Variants in NOL4L observed in about 807,000 individuals in gnomAD.
NOL4L encodes nucleolar protein 4 like, also known as nucleolar protein 4-like.
NOL4L carries 7 observed loss-of-function variants against 64.5 expected under a neutral mutation model. The ratio of observed to expected loss-of-function variants is 0.11; its 90% confidence interval spans 0.06 to 0.20. NOL4L has a LOEUF of 0.20. Among genes scored for constraint, NOL4L ranks in the 10% least tolerant of loss-of-function variants. The probability of loss-of-function intolerance (pLI) is 1.00; values close to 1 mark genes in which losing one functional copy is unlikely to be tolerated. For missense variants in NOL4L, 680 were observed against 967.1 expected (o/e 0.70, Z 3.94); for synonymous variants, 413 against 401.0 (o/e 1.03, Z -0.36).
intron 1 of NOL4L, among the ~76,000 whole-genome samples, chr20:32,549,183 A>T (rs1027251468): frequency 1.3e-5 from 2 of 152,228 alleles, no homozygotes; most frequent in Non-Finnish European, 2.9e-5. Context: ...CAACTCACAG[A>T]CTGGGGTAAA....
At chr20:32,527,367 C>A (rs1434459853) in intron 2 of NOL4L, among the ~76,000 whole-genome samples, 2 of 152,136 alleles carry the variant, frequency 1.3e-5, no homozygotes, top group Non-Finnish European at 2.9e-5. Context: ...AAATGCCATG[C>A]CATGAAGGCA....
At chr20:32,459,967 C>A (rs141778883) in intron 5 of NOL4L, among the ~76,000 whole-genome samples, 1 of 152,326 alleles carries the variant, frequency 6.6e-6, no homozygotes, top group African/African-American at 2.4e-5. Context: ...GATAAAAACA[C>A]GAGGCTGTGG....
At chr20:32,541,354 C>T (rs1427241257) in intron 1 of NOL4L, among the ~76,000 whole-genome samples, 1 of 152,218 alleles carries the variant, frequency 6.6e-6, no homozygotes, top group East Asian at 1.9e-4. Flanking sequence ...TACATTATTG[C>T]CTTTCTCATG....
rs2012204993 is a variant in NOL4L, at chr20:32,443,222, G to C, written c.*4374C>G. The C allele has an allele frequency of 6.6e-6, 1 of 152,240 alleles. No individual in the cohort carries two copies. Among genetic ancestry groups the C allele is most frequent in the Non-Finnish European group, 1.5e-5 (1 of 68,036 alleles). The allele number at this position is 152,240 out of a possible 1,614,324, so 9.4% of individuals were successfully genotyped here. A position where few individuals can be genotyped will look rare whatever the true frequency, so the allele number is the denominator to read the frequency against. Reference sequence around the variant, plus strand: ...AGCTCATTGGTCTTTTGTTAAGTGAGGGAGAGAGGGAGTCGGCCTGTGCTA... The same window carrying C: ...AGCTCATTGGTCTTTTGTTAAGTGACGGAGAGAGGGAGTCGGCCTGTGCTA... On this transcript the variant is annotated 3_prime_UTR_variant, in exon 11 of 11. Coordinates refer to ENST00000621426, the MANE Select transcript of NOL4L (RefSeq NM_001256798.2).
At chr20:32,497,746 C>T (rs1175170638) in intron 4 of NOL4L, among the ~76,000 whole-genome samples, 2 of 152,210 alleles carry the variant, frequency 1.3e-5, no homozygotes, top group African/African-American at 2.4e-5. Flanking sequence ...TGTTAGGTCT[C>T]TCTTGTCCTT....
intron 1 of NOL4L, among the ~76,000 whole-genome samples, chr20:32,568,957 G>A (rs1245550377): frequency 6.6e-6 from 1 of 152,120 alleles, no homozygotes; most frequent in Non-Finnish European, 1.5e-5. Context: ...GAAAACTGAG[G>A]CACAAAATGG....
chr20:32,521,261 T>C (rs911324215), intron 2 of NOL4L, among the ~76,000 whole-genome samples: 2 of 152,182 alleles, frequency 1.3e-5, no homozygotes, highest in Non-Finnish European at 2.9e-5. Context: ...CAAACATTGC[T>C]CTAGCGTAGG....
At chr20:32,473,443 C>A (rs1297335661) in intron 5 of NOL4L, among the ~76,000 whole-genome samples, 1 of 152,194 alleles carries the variant, frequency 6.6e-6, no homozygotes, top group African/African-American at 2.4e-5. Context: ...GTCGCACCGA[C>A]CTCACGAGGC....
chr20:32,472,056 G>T (rs1429509803), intron 5 of NOL4L, among the ~76,000 whole-genome samples: 1 of 152,160 alleles, frequency 6.6e-6, no homozygotes, highest in Non-Finnish European at 1.5e-5. Context: ...AGCCTTGGGA[G>T]TCCCCACACT....
intron 4 of NOL4L, among the ~76,000 whole-genome samples, chr20:32,493,366 G>C (rs1003388744): frequency 6.6e-6 from 1 of 152,108 alleles, no homozygotes; most frequent in Non-Finnish European, 1.5e-5. Context: ...CCAAGGCTCT[G>C]GGGCCCGGGA....
chr20:32,513,991 G>A (rs905847726), intron 3 of NOL4L, among the ~76,000 whole-genome samples: 11 of 152,216 alleles, frequency 7.2e-5, no homozygotes, highest in Admixed American at 6.5e-4. Context: ...TGCTTGGCAA[G>A]GATAGGAACA....
chr20:32,496,828 G>A (rs1280433689), intron 4 of NOL4L, among the ~76,000 whole-genome samples: 4 of 152,000 alleles, frequency 2.6e-5, no homozygotes, highest in African/African-American at 9.7e-5. Context: ...TGGGATTACA[G>A]GCATGAACCA....
chr20:32,507,296 A>G (rs950884756), intron 4 of NOL4L, among the ~76,000 whole-genome samples: 2 of 152,190 alleles, frequency 1.3e-5, no homozygotes, highest in Non-Finnish European at 2.9e-5. Flanking sequence ...CTTTGATGAC[A>G]GCTCTTGGGG....
At chr20:32,461,992 A>C (rs2014114566) in intron 5 of NOL4L, among the ~76,000 whole-genome samples, 1 of 151,838 alleles carries the variant, frequency 6.6e-6, no homozygotes. Flanking sequence ...GGGTGAGTGC[A>C]TGCCCCAGGC....
intron 4 of NOL4L, among the ~76,000 whole-genome samples, chr20:32,509,517 CAAA>C (rs71338441): frequency 3.2e-5 from 2 of 62,844 alleles, no homozygotes; most frequent in East Asian, 3.9e-4. Flanking sequence ...GACTCTGCCT[CAAA>C]AAAAAAAAAA....
intron 4 of NOL4L, among the ~76,000 whole-genome samples, chr20:32,496,586 T>C (rs1333125025): frequency 1.3e-5 from 2 of 151,974 alleles, no homozygotes; most frequent in Non-Finnish European, 2.9e-5. Context: ...GTTTCACTCT[T>C]GTTGCCCAAG....
At chr20:32,449,620 C>G (rs531638633) in intron 10 of NOL4L, 1 of 152,366 alleles carries the variant, frequency 6.6e-6, no homozygotes, top group African/African-American at 2.4e-5. Flanking sequence ...ACAGTTGAGT[C>G]TGTTAAAATC....
At chr20:32,582,691 G>T (rs1980558028) in intron 1 of NOL4L, among the ~76,000 whole-genome samples, 1 of 152,106 alleles carries the variant, frequency 6.6e-6, no homozygotes, top group African/African-American at 2.4e-5. Context: ...AACCAGGATG[G>T]GGGGGTGGGG....
chr20:32,489,038 AAT>A (rs2016344036), intron 4 of NOL4L, among the ~76,000 whole-genome samples: 1 of 133,128 alleles, frequency 7.5e-6, no homozygotes, highest in Non-Finnish European at 1.5e-5. Context: ...GTATTTTGCA[AAT>A]ATGTTTTCCT....
Sources: allele counts gnomAD v4.1 joint callset (sites outside exome capture counted in the v4.1 genomes callset), GRCh38; gene constraint gnomAD v4.1.1; transcripts MANE v1.5; gene names NCBI Gene and HGNC (gene_info 2026-07-23, HGNC 2026-07-21).